MYO1C: variants seen among roughly 807,000 people sequenced by gnomAD.
The protein encoded by MYO1C is unconventional myosin-Ic.
MYO1C carries 104 observed loss-of-function variants against 150.8 expected under a neutral mutation model. That is an observed-to-expected ratio of 0.69 (90% CI 0.59 to 0.81). The LOEUF is 0.81. Among genes scored for constraint, MYO1C ranks in the 30% least tolerant of loss-of-function variants. MYO1C has a pLI of 0.00. For missense variants in MYO1C, 1,504 were observed against 1,435.0 expected (o/e 1.05, Z -0.78); for synonymous variants, 663 against 579.9 (o/e 1.14, Z -2.06).
intron 25 of MYO1C, 33 bp downstream of exon 25, chr17:1,469,498 T>C (rs1261019516): frequency 6.5e-7 from 1 of 1,542,220 alleles, no homozygotes. Context: ...CTGACTCCAC[T>C]TCCTCATCCT....
intron 1 of MYO1C, among the ~76,000 whole-genome samples, chr17:1,487,902 C>G (rs2074684779): frequency 6.6e-6 from 1 of 152,210 alleles, no homozygotes. Context: ...GCCTGGGCGA[C>G]AGAGCGAAGC....
chr17:1,480,464 A>G, intron 7 of MYO1C, 63 bp downstream of exon 7: 1 of 1,417,054 alleles, frequency 7.1e-7, no homozygotes, highest in Non-Finnish European at 1.0e-6. Context: ...ATAAAAAACA[A>G]AAAAAAAAGG....
intron 31 of MYO1C, 120 bp from the exon 32 acceptor site, chr17:1,465,872 G>T: frequency 2.9e-6 from 2 of 694,650 alleles, no homozygotes; most frequent in African/African-American, 1.8e-5. Context: ...TCGCTATATT[G>T]TCCAGGCTGG....
intron 14 of MYO1C, among the ~76,000 whole-genome samples, chr17:1,476,625 A>G (rs1267447392): frequency 6.6e-6 from 1 of 152,222 alleles, no homozygotes; most frequent in Non-Finnish European, 1.5e-5. Context: ...GAAAACACCA[A>G]GAACCCCTCA....
chr17:1,488,270 C>G (rs1010166828), intron 1 of MYO1C, among the ~76,000 whole-genome samples: 13 of 152,124 alleles, frequency 8.5e-5, no homozygotes, highest in Non-Finnish European at 1.6e-4. Context: ...CCCGCTGGCG[C>G]CCCCGCAGCC....
At position 1,490,747 on chromosome 17, in the gene MYO1C, C is replaced by G. The variant is rs184043759; in HGVS notation, c.75+1666G>C. Reference sequence around the variant, plus strand: ...GACCCTGCCTATGAACTCCCGAGACCCCCCTGCTGTCCCCAGTTTACCCCA... The same window carrying G: ...GACCCTGCCTATGAACTCCCGAGACGCCCCTGCTGTCCCCAGTTTACCCCA... On this transcript the variant is annotated intron_variant, in intron 1 of 31. Coordinates refer to ENST00000648651, the MANE Select transcript of MYO1C (RefSeq NM_001080779.2). Among the ~76,000 whole-genome samples the G allele has an allele frequency of 1.4e-3, 219 of 152,198 alleles. 1 individual carries two copies. The highest frequency in any genetic ancestry group is 5.1e-3 in the African/African-American group (212 of 41,520).
chr17:1,467,350 A>T lies in MYO1C; in HGVS notation c.3066-9T>A. The T allele has an allele frequency of 6.2e-7, 1 of 1,610,614 alleles. No individual in the cohort carries two copies. The highest frequency in any genetic ancestry group is 8.5e-7 in the Non-Finnish European group (1 of 1,178,482). ...CCCCTGCAAACGTGATGCTGGGGGAACGGGGTGGGTGAGGGTTTTTCCATG... is the reference window on the plus strand; with the variant it reads ...CCCCTGCAAACGTGATGCTGGGGGATCGGGGTGGGTGAGGGTTTTTCCATG... On this transcript the variant is annotated splice_polypyrimidine_tract_variant and intron_variant, in intron 30 of 31. Coordinates refer to ENST00000648651, the MANE Select transcript of MYO1C (RefSeq NM_001080779.2).
intron 13 of MYO1C, 93 bp from the exon 14 acceptor site, chr17:1,477,689 G>T: frequency 9.1e-7 from 1 of 1,097,446 alleles, no homozygotes; most frequent in South Asian, 1.3e-5. Context: ...ACAGACACAG[G>T]GGAGGGGCAG....
intron 1 of MYO1C, among the ~76,000 whole-genome samples, chr17:1,488,433 C>T (rs1188108599): frequency 2.0e-5 from 3 of 152,220 alleles, no homozygotes; most frequent in Admixed American, 6.5e-5. Flanking sequence ...GGAAAGACGC[C>T]GCGGCTGAGG....
rs1567532034 is a variant in MYO1C, at chr17:1,482,901, G to A, written c.506C>T (p.Ala169Val). Reference sequence around the variant, plus strand: ...GCTCTGTAGCAGCCGGTCCCGCACGGCACCTCCGCGCTCGGGGGCTGGGCA... The same window carrying A: ...GCTCTGTAGCAGCCGGTCCCGCACGACACCTCCGCGCTCGGGGGCTGGGCA... ...ETCPAPERGGAVRDRLLQSNP... is the reference protein window; with the variant it reads ...ETCPAPERGGVVRDRLLQSNP... The change falls in exon 4 of 32, where the codon GCC becomes GTC. Residue 169 changes from alanine (A) to valine (V), a missense_variant. By Grantham distance (64) the Ala-to-Val change is moderately conservative. Coordinates refer to ENST00000648651, the MANE Select transcript of MYO1C (RefSeq NM_001080779.2). 1.1e-5 allele frequency: 16 copies of A among 1,497,508 alleles called. No individual in the cohort carries two copies. Among genetic ancestry groups the A allele is most frequent in the Non-Finnish European group, 1.4e-5 (16 of 1,117,702 alleles). The allele number at this position is 1,497,508 out of a possible 1,614,324, so 92.8% of individuals were successfully genotyped here.
chr17:1,472,420 G>C, intron 17 of MYO1C, 192 bp from the exon 18 acceptor site: 1 of 599,028 alleles, frequency 1.7e-6, no homozygotes, highest in East Asian at 2.8e-5. Context: ...CCTCTGGCTG[G>C]GCGAGAGACC....
intron 14 of MYO1C, among the ~76,000 whole-genome samples, chr17:1,476,061 A>G (rs2074397888): frequency 6.6e-6 from 1 of 152,208 alleles, no homozygotes; most frequent in Non-Finnish European, 1.5e-5. Flanking sequence ...CGCACATTCC[A>G]ACTTTGCTGT....
intron 1 of MYO1C, chr17:1,484,887 C>A: frequency 5.2e-6 from 2 of 386,646 alleles, no homozygotes; most frequent in Admixed American, 6.6e-5. Context: ...CCCAGACCCA[C>A]CCCCACCTCC....
In MYO1C at chr17:1,483,075, G is replaced by T; in HGVS notation, c.348-16C>A. Reference sequence around the variant, plus strand: ...CACGGCAAACCTGGGGCGGAGGCTCGTCAGGGAGTTTGGGGAGGGGGGCCA... The same window carrying T: ...CACGGCAAACCTGGGGCGGAGGCTCTTCAGGGAGTTTGGGGAGGGGGGCCA... On this transcript the variant is annotated splice_polypyrimidine_tract_variant and intron_variant, in intron 3 of 31. Coordinates refer to ENST00000648651, the MANE Select transcript of MYO1C (RefSeq NM_001080779.2). The T allele has an allele frequency of 6.3e-7, 1 of 1,582,236 alleles. No individual in the cohort carries two copies. The highest frequency in any genetic ancestry group is 8.6e-7 in the Non-Finnish European group (1 of 1,165,056).
At chr17:1,491,987 C>G (rs1037470300) in intron 1 of MYO1C, 1 of 188,642 alleles carries the variant, frequency 5.3e-6, no homozygotes, top group African/African-American at 2.4e-5. Context: ...CCCGTTTCTA[C>G]CCACCCGTGA....
In MYO1C at chr17:1,481,943, G is replaced by T. The variant is rs572596407; in HGVS notation, c.627+535C>A. On this transcript the variant is annotated intron_variant, in intron 5 of 31. Transcript: ENST00000648651. ...CCGCTGTGGCCTCCGTGCTGTCCTG[G>T]AACACTTCCAGCACCCTCGTATCTC... 2.0e-5 allele frequency among the ~76,000 whole-genome samples: 3 copies of T among 152,180 alleles called. No individual in the cohort carries two copies. The East Asian group carries it at 5.8e-4, about 29-fold the overall frequency.
At chr17:1,484,522 G>C (rs1360222512) in intron 1 of MYO1C, 1 of 619,370 alleles carries the variant, frequency 1.6e-6, no homozygotes. Context: ...GTCCCAGTGT[G>C]GCAGCAGAGG....
At position 1,467,614 on chromosome 17, in the gene MYO1C, C is replaced by A. The variant is rs773955188; in HGVS notation, c.2968-37G>T. The A allele has an allele frequency of 3.7e-6, 6 of 1,600,768 alleles. No individual in the cohort carries two copies. In the African/African-American group the frequency reaches 5.4e-5, roughly 14 times the overall value. On this transcript the variant is annotated intron_variant, in intron 29 of 31. Transcript: ENST00000648651. The stretch of plus-strand genomic sequence containing the variant: ...GGCAGGAGGAGGGGTCAGGCCCTGC[C>A]CAGAACTTGAGGAACCCCCGCCCCA...
chr17:1,479,139 C>T lies in MYO1C; in HGVS notation c.1092+292G>A, dbSNP rs567824141. 2.1e-4 allele frequency among the ~76,000 whole-genome samples: 32 copies of T among 152,258 alleles called. No homozygotes were observed. The highest frequency in any genetic ancestry group is 6.5e-4 in the African/African-American group (27 of 41,542). On this transcript the variant is annotated intron_variant, in intron 9 of 31. Coordinates refer to ENST00000648651, the MANE Select transcript of MYO1C (RefSeq NM_001080779.2). This position sits in a 1 kb window ranked among gnomAD's most constrained non-coding sequence, Gnocchi z 4.2. Reference sequence around the variant, plus strand: ...CCTCCCGAGTAGCTGGGATTACAGGCGCCCGCCACCATGCCCGGCTAATTT... The same window carrying T: ...CCTCCCGAGTAGCTGGGATTACAGGTGCCCGCCACCATGCCCGGCTAATTT...
Sources: gnomAD v4.1 joint callset for allele counts (sites outside exome capture counted in the v4.1 genomes callset) on GRCh38, gnomAD v4.1.1 for gene constraint, Gnocchi (gnomAD v3.1) non-coding constraint, MANE v1.5 for transcripts, NCBI Gene and HGNC (gene_info 2026-07-23, HGNC 2026-07-21) for gene names.